Variants in CPEB4 observed in about 807,000 individuals in gnomAD.
CPEB4 encodes the protein cytoplasmic polyadenylation element-binding protein 4.
CPEB4 carries 12 observed loss-of-function variants against 72.5 expected under a neutral mutation model. That is an observed-to-expected ratio of 0.17 (90% CI 0.11 to 0.27). CPEB4 has a LOEUF of 0.27. Ranked by LOEUF, CPEB4 falls within the 10% of genes least tolerant of loss-of-function variation. CPEB4 has a pLI of 1.00. For synonymous variants in CPEB4, 302 were observed against 326.3 expected (o/e 0.93, Z 0.80); for missense variants, 614 against 908.5 (o/e 0.68, Z 4.17).
chr5:173,947,831 A>G (rs1163123423), intron 5 of CPEB4, among the ~76,000 whole-genome samples: 1 of 152,114 alleles, frequency 6.6e-6, no homozygotes, highest in East Asian at 1.9e-4. Context: ...ACCTTTTGCC[A>G]CTAAAATGAT....
At position 173,957,366 on chromosome 5, in the gene CPEB4, A is replaced by G. The variant is rs1758411764; in HGVS notation, c.*1229A>G. Reference sequence around the variant, plus strand: ...CAAAGTGTTTTGCACTGTTGAACTAAGTAACTGTGTAAATCTGTGCAAAGG... The same window carrying G: ...CAAAGTGTTTTGCACTGTTGAACTAGGTAACTGTGTAAATCTGTGCAAAGG... On this transcript the variant is annotated 3_prime_UTR_variant, in exon 10 of 10. Coordinates refer to ENST00000265085, the MANE Select transcript of CPEB4 (RefSeq NM_030627.4). The G allele has an allele frequency of 6.5e-6, 1 of 152,834 alleles. No individual in the cohort carries two copies. The highest frequency in any genetic ancestry group is 1.5e-5 in the Non-Finnish European group (1 of 68,038). 9.5% of individuals were successfully genotyped at this position (152,834 alleles called of 1,614,324 possible).
At chr5:173,945,258 T>C in intron 5 of CPEB4, 118 bp downstream of exon 5, 1 of 825,990 alleles carries the variant, frequency 1.2e-6, no homozygotes, top group Non-Finnish European at 1.9e-6. Context: ...GCTTGCATTG[T>C]TCTCTTGTCC....
intron 6 of CPEB4, 131 bp from the exon 7 acceptor site, chr5:173,949,829 T>G: frequency 1.3e-6 from 1 of 758,986 alleles, no homozygotes; most frequent in Non-Finnish European, 2.3e-6. Flanking sequence ...ATCAGACTTT[T>G]GGTATAAATA....
rs545152337 is a variant in CPEB4, at chr5:173,960,532, C to T, written c.*4395C>T. On this transcript the variant is annotated 3_prime_UTR_variant, in exon 10 of 10. Coordinates refer to ENST00000265085, the MANE Select transcript of CPEB4 (RefSeq NM_030627.4). ...GTCTTTGGCCTGTACTGTTAGTTCA[C>T]CTGCTGCCTGCCCTGCAGAGTTCTT... The T allele has an allele frequency of 6.6e-6, 1 of 152,360 alleles. No individual in the cohort carries two copies. Among genetic ancestry groups the T allele is most frequent in the East Asian group, 1.9e-4 (1 of 5,190 alleles). The allele number at this position is 152,360 out of a possible 1,614,324, so 9.4% of individuals were successfully genotyped here. A position where few individuals can be genotyped will look rare whatever the true frequency, so the allele number is the denominator to read the frequency against.
intron 3 of CPEB4, among the ~76,000 whole-genome samples, chr5:173,936,814 C>G (rs201814913): frequency 7.0e-6 from 1 of 142,530 alleles, no homozygotes; most frequent in African/African-American, 2.6e-5. Context: ...GTGCATTATA[C>G]TTTTTTTTTT....
chr5:173,919,833 A>G (rs1009682449), intron 2 of CPEB4, among the ~76,000 whole-genome samples: 1 of 152,150 alleles, frequency 6.6e-6, no homozygotes, highest in Admixed American at 6.5e-5. Context: ...TGGACTTTCT[A>G]CCTGAATGTT....
intron 3 of CPEB4, among the ~76,000 whole-genome samples, chr5:173,936,732 A>G (rs962931634): frequency 1.3e-5 from 2 of 152,048 alleles, no homozygotes; most frequent in African/African-American, 4.8e-5. Context: ...TTAAAAGATT[A>G]GTTTTCCTCT....
At position 173,904,267 on chromosome 5, in the gene CPEB4, C is replaced by T. The variant is rs148267775; in HGVS notation, c.1126-6256C>T. 5.5e-4 allele frequency among the ~76,000 whole-genome samples: 84 copies of T among 152,252 alleles called. 1 individual carries two copies. Among genetic ancestry groups the T allele is most frequent in the African/African-American group, 1.9e-3 (79 of 41,536 alleles). On this transcript the variant is annotated intron_variant, in intron 1 of 9. Coordinates refer to ENST00000265085, the MANE Select transcript of CPEB4 (RefSeq NM_030627.4). ...AATAACTGAACATATCTAATTGTAT[C>T]AGGGTTTTGTGAAGAATAAATGAGG...
chr5:173,919,373 A>G (rs1037416869), intron 2 of CPEB4, among the ~76,000 whole-genome samples: 2 of 152,228 alleles, frequency 1.3e-5, no homozygotes, highest in African/African-American at 4.8e-5. Context: ...CAGTTTGTCA[A>G]TGATAAATAT....
Position 173,889,787 on chromosome 5 carries a change from T to G in CPEB4, c.54T>G (p.Ser18=). 1 of 1,614,000 alleles carries G rather than the reference T, an allele frequency of 6.2e-7. No homozygotes were observed. Among genetic ancestry groups the G allele is most frequent in the Non-Finnish European group, 8.5e-7 (1 of 1,179,954 alleles). Residue 18 remains serine (S), a synonymous_variant, in exon 1 of 10, where the codon TCT becomes TCG. Coordinates refer to ENST00000265085, the MANE Select transcript of CPEB4 (RefSeq NM_030627.4). The part of the protein sequence containing the change: ...VLVQSNTGNK[S]AFPVRFHPHL... The stretch of plus-strand genomic sequence containing the variant: ...TGCAAAGCAATACTGGGAATAAATC[T>G]GCTTTTCCAGTCAGATTCCATCCAC...
Position 173,956,122 on chromosome 5 carries a change from A to G in CPEB4, c.2175A>G (p.Ser725=). 1 of 1,614,008 alleles carries G rather than the reference A, an allele frequency of 6.2e-7. No homozygotes were observed. Among genetic ancestry groups the G allele is most frequent in the Admixed American group, 1.7e-5 (1 of 60,004 alleles). ...GCGGTGACCGCCCTCGGCATATTTC[A>G]TTCCGCTGGAACTAAAGGATAACTG... is the stretch of plus-strand genomic sequence containing the variant. ...KEGGDRPRHI[S]FRWN The change falls in exon 10 of 10, where the codon TCA becomes TCG. Residue 725 remains serine, a synonymous_variant. Transcript: ENST00000265085.
rs77921811 is a variant in CPEB4 at position 173,944,941 on chromosome 5, C to T, written c.1283-26C>T. On this transcript the variant is annotated intron_variant, in intron 4 of 9. Coordinates refer to ENST00000265085, the MANE Select transcript of CPEB4 (RefSeq NM_030627.4). Reference sequence around the variant, plus strand: ...AGTGGCAAGGAACATTTTCTGTTACCGTTTTTTCCCTGCTTTCTATTCCAG... The same window carrying T: ...AGTGGCAAGGAACATTTTCTGTTACTGTTTTTTCCCTGCTTTCTATTCCAG... 1,715 of 1,577,874 alleles carry T rather than the reference C, an allele frequency of 1.1e-3. 19 individuals carry two copies. In the African/African-American group the frequency reaches 0.02, roughly 19 times the overall value.
Position 173,950,479 on chromosome 5 carries a change from T to G in CPEB4, c.1665+401T>G, listed in dbSNP as rs1404017339. On this transcript the variant is annotated intron_variant, in intron 7 of 9. Transcript: ENST00000265085. This position sits in a 1 kb window ranked among gnomAD's most constrained non-coding sequence, Gnocchi z 5.0. The stretch of plus-strand genomic sequence containing the variant: ...AATTAGCCAGGCATGGTGGCGCACA[T>G]CTGTAGTCCCAGCTACTTGGGAGAC... Among the ~76,000 whole-genome samples the G allele has an allele frequency of 6.6e-6, 1 of 151,846 alleles. No individual in the cohort carries two copies. The highest frequency in any genetic ancestry group is 1.5e-5 in the Non-Finnish European group (1 of 67,966).
intron 1 of CPEB4, among the ~76,000 whole-genome samples, chr5:173,904,530 T>A (rs898910429): frequency 8.5e-5 from 13 of 152,192 alleles, no homozygotes; most frequent in African/African-American, 2.9e-4. Flanking sequence ...AAGGTAATAT[T>A]TGTATAAGTA....
chr5:173,901,321 A>G (rs1400632305), intron 1 of CPEB4, among the ~76,000 whole-genome samples: 1 of 152,216 alleles, frequency 6.6e-6, no homozygotes, highest in East Asian at 1.9e-4. Context: ...GTTGTAGATC[A>G]TAATTCTATT....
intron 8 of CPEB4, 104 bp from the exon 9 acceptor site, chr5:173,952,987 T>C: frequency 2.5e-6 from 2 of 802,060 alleles, no homozygotes; most frequent in Non-Finnish European, 3.9e-6. Flanking sequence ...ATTATTATAA[T>C]GATGTGAGCT....
At chr5:173,901,692 C>T (rs1421626987) in intron 1 of CPEB4, among the ~76,000 whole-genome samples, 1 of 152,130 alleles carries the variant, frequency 6.6e-6, no homozygotes, top group South Asian at 2.1e-4. Flanking sequence ...CTTCATTTGC[C>T]TACGATGGGG....
rs1051946260 is a variant in CPEB4 at position 173,937,451 on chromosome 5, A to G, written c.1258+4951A>G. ...GGTGTAATTTACTCAAGAGAAATGT[A>G]GATGATGATCACTTACTGAAAATGT... On this transcript the variant is annotated intron_variant, in intron 3 of 9. Transcript: ENST00000265085. Among the ~76,000 whole-genome samples, 3 of 152,210 alleles carry G rather than the reference A, an allele frequency of 2.0e-5. No individual in the cohort carries two copies. The East Asian group carries it at 5.8e-4, about 29-fold the overall frequency.
In CPEB4 at chr5:173,953,100, C is replaced by A; in HGVS notation, c.1790C>A (p.Ala597Glu). Residue 597 changes from alanine (A) to glutamate (E), a missense_variant, in exon 9 of 10, where the codon GCG becomes GAG. Around this residue, in one of 5 missense-constraint regions of CPEB4, gnomAD observed 101 missense variants for 243.1 expected, o/e 0.42. Coordinates refer to ENST00000265085, the MANE Select transcript of CPEB4 (RefSeq NM_030627.4). ...VPRPLRAVEL[A>E]MIMDRLYGGV... ...TTCCTTTCTTAATTAGTGGAGCTTGCGATGATAATGGATCGGCTATATGGA... is the reference window on the plus strand; with the variant it reads ...TTCCTTTCTTAATTAGTGGAGCTTGAGATGATAATGGATCGGCTATATGGA... 1 of 1,597,208 alleles carries A rather than the reference C, an allele frequency of 6.3e-7. No individual in the cohort carries two copies.
Sources: gnomAD v4.1 joint callset for allele counts (sites outside exome capture counted in the v4.1 genomes callset) on GRCh38, gnomAD v4.1.1 for gene constraint, gnomAD v4.1.1 regional missense constraint, Gnocchi (gnomAD v3.1) non-coding constraint, MANE v1.5 for transcripts, NCBI Gene and HGNC (gene_info 2026-07-23, HGNC 2026-07-21) for gene names.